OSBP2: variants seen among roughly 807,000 people sequenced by gnomAD.
OSBP2 encodes the protein oxysterol binding protein 2.
Under a neutral mutation model 96.0 loss-of-function variants are expected in OSBP2, and 66 were observed. The ratio of observed to expected loss-of-function variants is 0.69; its 90% CI spans 0.56 to 0.84. OSBP2 has a LOEUF of 0.84. Among genes scored for constraint, OSBP2 ranks in the 40% least tolerant of loss-of-function variants. The pLI is 0.00. For missense variants in OSBP2, 1,038 were observed against 1,222.7 expected (o/e 0.85, Z 2.25); for synonymous variants, 525 against 520.9 (o/e 1.01, Z -0.11).
chr22:30,888,190 G>A (rs1263086231), intron 4 of OSBP2, 33 bp from the exon 5 acceptor site: 2 of 1,407,948 alleles, frequency 1.4e-6, no homozygotes, highest in Non-Finnish European at 1.0e-6. Context: ...CCTTTTGTGA[G>A]GTTACAAATT....
chr22:30,899,019 G>T (rs2040129644), intron 12 of OSBP2, among the ~76,000 whole-genome samples: 1 of 151,954 alleles, frequency 6.6e-6, no homozygotes, highest in South Asian at 2.1e-4. Context: ...GGTTTAATGT[G>T]ACATATAAAG....
chr22:30,806,408 T>G (rs1050624426), intron 2 of OSBP2, among the ~76,000 whole-genome samples: 1 of 152,172 alleles, frequency 6.6e-6, no homozygotes, highest in African/African-American at 2.4e-5. Flanking sequence ...GAAGAGCTGG[T>G]GTCAGGTACC....
Position 30,870,277 on chromosome 22 carries a change from T to C in OSBP2, c.854-152T>C. 1 of 820,252 alleles carries C rather than the reference T, an allele frequency of 1.2e-6. No individual in the cohort carries two copies. Among genetic ancestry groups the C allele is most frequent in the Non-Finnish European group, 1.9e-6 (1 of 530,212 alleles). The allele number at this position is 820,252 out of a possible 1,614,324, so 50.8% of individuals were successfully genotyped here. A position where few individuals can be genotyped will look rare whatever the true frequency, so the allele number is the denominator to read the frequency against. ...GCTGGGCCAGGATGGGGCAGGCACCTCACCCCGGCCAGGAACAGGAACGGG... is the reference window on the plus strand; with the variant it reads ...GCTGGGCCAGGATGGGGCAGGCACCCCACCCCGGCCAGGAACAGGAACGGG... On this transcript the variant is annotated intron_variant, in intron 2 of 13. Transcript: ENST00000332585. This position sits in a 1 kb window ranked among gnomAD's most constrained non-coding sequence, Gnocchi z 4.1.
chr22:30,712,895 TG>T (rs926216399), intron 1 of OSBP2, among the ~76,000 whole-genome samples: 6 of 152,030 alleles, frequency 3.9e-5, no homozygotes, highest in Non-Finnish European at 5.9e-5. Flanking sequence ...CCTGGTTTTT[TG>T]GTTTGTTTTT....
chr22:30,788,952 A>G (rs2145821904), intron 2 of OSBP2, among the ~76,000 whole-genome samples: 1 of 152,270 alleles, frequency 6.6e-6, no homozygotes. Context: ...ACCTCAGGTG[A>G]TCCGCCCATC....
intron 2 of OSBP2, chr22:30,764,291 G>A: frequency 1.8e-6 from 1 of 560,840 alleles, no homozygotes. Context: ...GGTGGGCGGG[G>A]ATGAGGAGGG....
intron 2 of OSBP2, among the ~76,000 whole-genome samples, chr22:30,818,411 T>G (rs1441551362): frequency 6.6e-6 from 1 of 152,162 alleles, no homozygotes; most frequent in Non-Finnish European, 1.5e-5. Flanking sequence ...TTAGGTTGCT[T>G]CATTTTTGCA....
chr22:30,778,303 G>GCGCGCACA (rs1555912357), intron 2 of OSBP2, among the ~76,000 whole-genome samples: 9 of 146,528 alleles, frequency 6.1e-5, no homozygotes, highest in African/African-American at 2.3e-4. Flanking sequence ...GTGTGCATGT[G>GCGCGCACA]CACACACACA....
intron 1 of OSBP2, among the ~76,000 whole-genome samples, chr22:30,713,481 G>A (rs201827591): frequency 1.5e-5 from 1 of 68,738 alleles, no homozygotes; most frequent in East Asian, 4.2e-4. Flanking sequence ...TATTTATTTA[G>A]ACAGGGTCTT....
At chr22:30,840,303 G>GT (rs2038723655) in intron 2 of OSBP2, among the ~76,000 whole-genome samples, 1 of 121,154 alleles carries the variant, frequency 8.3e-6, no homozygotes, top group South Asian at 2.8e-4. Context: ...AAATAAACCT[G>GT]TTAAAAAAAA....
chr22:30,900,471 C>T (rs1171904716), intron 12 of OSBP2, among the ~76,000 whole-genome samples: 1 of 151,942 alleles, frequency 6.6e-6, no homozygotes, highest in Non-Finnish European at 1.5e-5. Flanking sequence ...CAATAGGGAC[C>T]TTCATGGAAC....
In OSBP2 at chr22:30,893,216, G is replaced by A. The variant is rs1330917217; in HGVS notation, c.1964G>A (p.Gly655Glu). The A allele has an allele frequency of 1.8e-5, 29 of 1,614,006 alleles. No homozygotes were observed. The highest frequency in any genetic ancestry group is 2.4e-5 in the Non-Finnish European group (28 of 1,179,998). ...QEITISSKFR[G>E]KYISIMPLGA... ...ATCACCATCTCCAGCAAGTTCCGGG[G>A]AAAATACATCTCCATCATGCCGCTA... The change falls in exon 9 of 14, where the codon GGA (glycine) becomes GAA (glutamate). Residue 655 changes from glycine (G) to glutamate (E), a missense_variant. Physicochemically the swap from Gly to Glu is moderately conservative, Grantham distance 98. Coordinates refer to ENST00000332585, the MANE Select transcript of OSBP2 (RefSeq NM_030758.4).
Position 30,695,371 on chromosome 22 carries a change from A to G in OSBP2, c.462A>G (p.Arg154=), listed in dbSNP as rs2089008855. 2 of 1,613,764 alleles carry G rather than the reference A, an allele frequency of 1.2e-6. No individual in the cohort carries two copies. The highest frequency in any genetic ancestry group is 1.7e-6 in the Non-Finnish European group (2 of 1,180,038). ...CGTTAAAGCCCCTGCCTCTTCTGCG[A>G]CCAGGACAGGCGAAGACTCCTCTTG... ...LPALKPLPLL[R]PGQAKTPLGV... Residue 154 remains arginine (R), a synonymous_variant, in exon 1 of 14, where the codon CGA becomes CGG. Transcript: ENST00000332585.
At chr22:30,731,031 A>G (rs136361) in intron 1 of OSBP2, among the ~76,000 whole-genome samples, 128,679 of 150,128 alleles carry the variant, frequency 0.86, 55,345 homozygotes, top group East Asian at 0.98. Flanking sequence ...AAAATTAGCC[A>G]GGCGTGGTGG....
chr22:30,808,034 C>G (rs2090953862), intron 2 of OSBP2, among the ~76,000 whole-genome samples: 1 of 152,160 alleles, frequency 6.6e-6, no homozygotes, highest in South Asian at 2.1e-4. Flanking sequence ...AAGCGATCCT[C>G]CTGCCTCTTC....
chr22:30,905,476 C>A (rs1303037844), intron 12 of OSBP2, among the ~76,000 whole-genome samples: 1 of 151,754 alleles, frequency 6.6e-6, no homozygotes, highest in East Asian at 1.9e-4. Context: ...GCACTCCAGC[C>A]TGGGCAACAA....
chr22:30,789,206 C>G (rs1398937763), intron 2 of OSBP2, among the ~76,000 whole-genome samples: 2 of 152,088 alleles, frequency 1.3e-5, no homozygotes, highest in Non-Finnish European at 2.9e-5. Context: ...TTTGTTGCAT[C>G]CTCTTAGAAG....
intron 2 of OSBP2, among the ~76,000 whole-genome samples, chr22:30,782,553 A>ACT (rs2090531773): frequency 6.6e-6 from 1 of 152,156 alleles, no homozygotes; most frequent in Non-Finnish European, 1.5e-5. Context: ...TTTGTCACCC[A>ACT]GTGTAACTGT....
chr22:30,822,876 C>T (rs2038312274), intron 2 of OSBP2, among the ~76,000 whole-genome samples: 1 of 152,208 alleles, frequency 6.6e-6, no homozygotes, highest in African/African-American at 2.4e-5. Context: ...CGCACCCCGC[C>T]GGCGTGCGCT....
Sources: allele counts gnomAD v4.1 joint callset (sites outside exome capture counted in the v4.1 genomes callset), GRCh38; gene constraint gnomAD v4.1.1; non-coding constraint Gnocchi (gnomAD v3.1); transcripts MANE v1.5; gene names NCBI Gene and HGNC (gene_info 2026-07-23, HGNC 2026-07-21).